The following LSAMP variants were observed in gnomAD, a reference collection of about 807,000 sequenced individuals.
The protein encoded by LSAMP is limbic system-associated membrane protein.
A neutral mutation model predicts 38.6 loss-of-function variants in LSAMP; 7 were observed. The ratio of observed to expected loss-of-function variants is 0.18; its 90% confidence interval spans 0.10 to 0.34. The LOEUF is 0.34. LSAMP is among the 10% of genes least tolerant of loss of function. The pLI, the probability that LSAMP is intolerant of heterozygous loss-of-function variation, is 1.00. For synonymous variants in LSAMP, 154 were observed against 166.8 expected (o/e 0.92, Z 0.59); for missense variants, 313 against 420.0 (o/e 0.75, Z 2.23).
chr3:115,803,528 A>G lies in LSAMP; in HGVS notation c.*6789T>C, dbSNP rs1347190876. The G allele has an allele frequency of 1.3e-5, 2 of 152,228 alleles. No homozygotes were observed. The highest frequency in any genetic ancestry group is 2.9e-5 in the Non-Finnish European group (2 of 68,050). The allele number at this position is 152,228 out of a possible 1,614,324, so 9.4% of individuals were successfully genotyped here. On this transcript the variant is annotated 3_prime_UTR_variant, in exon 7 of 7. Transcript: ENST00000490035. Reference sequence around the variant, plus strand: ...TCCTTTCTGCTTACCCTTTTCTCAGAGAACCTAACTTTCACATTTGATTTT... The same window carrying G: ...TCCTTTCTGCTTACCCTTTTCTCAGGGAACCTAACTTTCACATTTGATTTT...
At chr3:116,292,503 T>TTAAC (rs1313566863) in intron 1 of LSAMP, among the ~76,000 whole-genome samples, 2 of 152,196 alleles carry the variant, frequency 1.3e-5, no homozygotes, top group Non-Finnish European at 2.9e-5. Context: ...CAGCCATTAT[T>TTAAC]TAACTATAAA....
At chr3:116,064,292 A>G (rs759089906) in intron 2 of LSAMP, among the ~76,000 whole-genome samples, 11 of 152,110 alleles carry the variant, frequency 7.2e-5, no homozygotes, top group Non-Finnish European at 1.6e-4. Context: ...TTAGGAGGCC[A>G]AGGCAGGCAT....
intron 1 of LSAMP, among the ~76,000 whole-genome samples, chr3:116,353,086 G>A (rs2048163466): frequency 6.6e-6 from 1 of 152,130 alleles, no homozygotes; most frequent in Non-Finnish European, 1.5e-5. Flanking sequence ...CTGGGTGGAA[G>A]TGATTAGCTA....
intron 3 of LSAMP, among the ~76,000 whole-genome samples, chr3:116,014,535 T>C (rs2107680394): frequency 1.3e-5 from 2 of 152,266 alleles, no homozygotes; most frequent in East Asian, 3.9e-4. Context: ...ATTAATAGAA[T>C]AAATTGAGTC....
chr3:116,139,851 T>C (rs1709332632), intron 1 of LSAMP, among the ~76,000 whole-genome samples: 1 of 151,990 alleles, frequency 6.6e-6, no homozygotes, highest in Non-Finnish European at 1.5e-5. Context: ...GAGGGGAGCA[T>C]TGTCCCTGTA....
intron 1 of LSAMP, among the ~76,000 whole-genome samples, chr3:116,208,509 G>GT (rs945952310): frequency 2.8e-4 from 43 of 152,308 alleles, no homozygotes; most frequent in African/African-American, 9.9e-4. Flanking sequence ...TTTCTGTTCT[G>GT]TTTTTTCCCC....
At chr3:116,441,855 C>T (rs989860238) in intron 1 of LSAMP, among the ~76,000 whole-genome samples, 2 of 152,192 alleles carry the variant, frequency 1.3e-5, no homozygotes, top group African/African-American at 2.4e-5. Context: ...AAGGCTGCTG[C>T]TGCTGCCGCC....
intron 1 of LSAMP, among the ~76,000 whole-genome samples, chr3:116,429,997 G>C (rs928998508): frequency 2.0e-5 from 3 of 152,130 alleles, no homozygotes; most frequent in Non-Finnish European, 4.4e-5. Flanking sequence ...TCAGGCAAAA[G>C]TATATCAACA....
At chr3:116,117,113 C>T (rs867991695) in intron 1 of LSAMP, among the ~76,000 whole-genome samples, 4 of 152,128 alleles carry the variant, frequency 2.6e-5, no homozygotes, top group Non-Finnish European at 5.9e-5. Flanking sequence ...TCAAAACATT[C>T]GACTTATATG....
chr3:116,373,190 T>C (rs1280386516), intron 1 of LSAMP, among the ~76,000 whole-genome samples: 1 of 151,354 alleles, frequency 6.6e-6, no homozygotes, highest in African/African-American at 2.4e-5. Flanking sequence ...GATAAATAGA[T>C]AAGCAAAACG....
At chr3:116,198,050 C>A (rs1278347867) in intron 1 of LSAMP, among the ~76,000 whole-genome samples, 1 of 152,100 alleles carries the variant, frequency 6.6e-6, no homozygotes, top group Non-Finnish European at 1.5e-5. Context: ...AAGCAAGAGC[C>A]ATTCGTGGTG....
At chr3:115,985,502 C>G (rs754045508) in intron 3 of LSAMP, among the ~76,000 whole-genome samples, 21 of 152,140 alleles carry the variant, frequency 1.4e-4, no homozygotes, top group Non-Finnish European at 5.9e-5. Context: ...CAAAGATAAT[C>G]CCCAGTGATT....
At chr3:116,212,990 T>C (rs2046178339) in intron 1 of LSAMP, among the ~76,000 whole-genome samples, 1 of 152,232 alleles carries the variant, frequency 6.6e-6, no homozygotes, top group Non-Finnish European at 1.5e-5. Context: ...TGTAAGATTT[T>C]GCAATGGGTC....
In LSAMP at chr3:115,869,269, G is replaced by GGGGAGAGAGAGAGAGAGAGA. The variant is rs1352019629; in HGVS notation, c.515-16653_515-16652insTCTCTCTCTCTCTCTCTCCC. 1.2e-4 allele frequency among the ~76,000 whole-genome samples: 16 copies of GGGGAGAGAGAGAGAGAGAGA among 128,510 alleles called. No individual in the cohort carries two copies. In the Admixed American group the frequency reaches 1.3e-3, roughly 10 times the overall value. 84.3% of individuals were successfully genotyped at this position (128,510 alleles called of 152,430 possible). On this transcript the variant is annotated intron_variant, in intron 3 of 6. Coordinates refer to ENST00000490035, the MANE Select transcript of LSAMP (RefSeq NM_002338.5). ...CCTTCATAACCTCTATCTTGGAGGG[G>GGGGAGAGAGAGAGAGAGAGA]GAGAGAGAGAGAGAGAGAGAGAGAG...
At position 116,445,215 on chromosome 3, in the gene LSAMP, TAAC is replaced by T; in HGVS notation, c.-187_-185del. The stretch of plus-strand genomic sequence containing the variant: ...CTCAGTCTCTTTTCCCTCTAAGACT[TAAC>T]AAAGCCCTCATAAAACCCAAGCAGA... On this transcript the variant is annotated 5_prime_UTR_variant, in exon 1 of 7. Coordinates refer to ENST00000490035, the MANE Select transcript of LSAMP (RefSeq NM_002338.5). 1 of 609,910 alleles carries T rather than the reference TAAC, an allele frequency of 1.6e-6. No individual in the cohort carries two copies. The highest frequency in any genetic ancestry group is 2.8e-5 in the East Asian group (1 of 36,004). 37.8% of individuals were successfully genotyped at this position (609,910 alleles called of 1,614,324 possible). A position where few individuals can be genotyped will look rare whatever the true frequency, so the allele number is the denominator to read the frequency against.
At chr3:116,174,496 C>T (rs1336753230) in intron 1 of LSAMP, among the ~76,000 whole-genome samples, 1 of 151,998 alleles carries the variant, frequency 6.6e-6, no homozygotes, top group African/African-American at 2.4e-5. Flanking sequence ...TTGGCCTACT[C>T]ATGGACCAGA....
intron 1 of LSAMP, among the ~76,000 whole-genome samples, chr3:116,289,931 T>G (rs77597958): frequency 1.3e-5 from 2 of 152,232 alleles, no homozygotes; most frequent in African/African-American, 4.8e-5. Context: ...AAAGCAGCTG[T>G]ATGAACTAGT....
chr3:116,150,952 G>C (rs1709596922), intron 1 of LSAMP, among the ~76,000 whole-genome samples: 1 of 151,980 alleles, frequency 6.6e-6, no homozygotes, highest in African/African-American at 2.4e-5. Flanking sequence ...TAATAATAGT[G>C]TTCCCAGGTG....
chr3:115,962,401 A>G (rs775948509), intron 3 of LSAMP, among the ~76,000 whole-genome samples: 4 of 152,172 alleles, frequency 2.6e-5, no homozygotes, highest in African/African-American at 7.2e-5. Context: ...TTATTATACA[A>G]TTTGAGATAA....
Sources: gnomAD v4.1 joint callset for allele counts (sites outside exome capture counted in the v4.1 genomes callset) on GRCh38, gnomAD v4.1.1 for gene constraint, MANE v1.5 for transcripts, NCBI Gene and HGNC (gene_info 2026-07-23, HGNC 2026-07-21) for gene names.